TMEM123: variants seen among roughly 807,000 people sequenced by gnomAD.
TMEM123 encodes porimin.
Under a neutral mutation model 19.7 loss-of-function variants are expected in TMEM123, and 16 were observed. That is an observed-to-expected ratio of 0.81 (90% confidence interval 0.55 to 1.23). The LOEUF (loss-of-function observed/expected upper bound fraction) is 1.23, where lower values mean the gene tolerates loss of function less well. TMEM123 is among the 50% of genes most tolerant of loss of function. The pLI, the probability that TMEM123 is intolerant of heterozygous loss-of-function variation, is 0.00. For synonymous variants in TMEM123, 118 were observed against 99.4 expected (o/e 1.19, Z -1.12); for missense variants, 313 against 257.8 (o/e 1.21, Z -1.47).
chr11:102,406,655 C>T (rs1951957636), intron 2 of TMEM123, among the ~76,000 whole-genome samples: 1 of 151,958 alleles, frequency 6.6e-6, no homozygotes, highest in Admixed American at 6.6e-5. Flanking sequence ...GTGGGTAGAT[C>T]ACGAGGTCAG....
intron 2 of TMEM123, among the ~76,000 whole-genome samples, chr11:102,442,709 G>T (rs1221271979): frequency 6.6e-6 from 1 of 152,168 alleles, no homozygotes; most frequent in Non-Finnish European, 1.5e-5. Context: ...AATCAGGCAG[G>T]AGAAGGAAAT....
At position 102,402,844 on chromosome 11, in the gene TMEM123, A is replaced by C. The variant is rs575953274; in HGVS notation, c.158-638T>G. Among the ~76,000 whole-genome samples the C allele has an allele frequency of 4.6e-5, 7 of 152,384 alleles. No homozygotes were observed. In the South Asian group the frequency reaches 1.4e-3, roughly 32 times the overall value. On this transcript the variant is annotated intron_variant, in intron 2 of 4. Transcript: ENST00000398136. ...AAGGACAGTTCTAAAACTATCTGTG[A>C]AAGTTTTACAAGTCCAAAAGCCAAT...
chr11:102,400,958 A>G (rs78055146), intron 4 of TMEM123, among the ~76,000 whole-genome samples: 93 of 152,374 alleles, frequency 6.1e-4, no homozygotes, highest in African/African-American at 2.1e-3. Flanking sequence ...ATATATCCTC[A>G]AACCATCAGA....
intron 2 of TMEM123, among the ~76,000 whole-genome samples, chr11:102,436,390 T>C (rs977031391): frequency 1.3e-5 from 2 of 151,868 alleles, no homozygotes; most frequent in African/African-American, 4.8e-5. Flanking sequence ...ATCAAACTCC[T>C]GACCTCAAGT....
intron 2 of TMEM123, among the ~76,000 whole-genome samples, chr11:102,430,282 T>C (rs138852182): frequency 8.5e-4 from 130 of 152,322 alleles, no homozygotes; most frequent in African/African-American, 3.1e-3. Context: ...ACTCCTCCCA[T>C]AGCATTCGCA....
rs1951917258 is a variant in TMEM123, at chr11:102,401,968, T to C, written c.396A>G (p.Thr132=). Residue 132 remains threonine, a synonymous_variant, in exon 3 of 5, where the codon ACA becomes ACG. Coordinates refer to ENST00000398136, the MANE Select transcript of TMEM123 (RefSeq NM_052932.3). ...SQNTSQISTS[T]MTVTHNSSVT... ...CTGAACTATTGTGGGTTACGGTCAT[T>C]GTGGATGTTGATATCTGAGATGTGT... 2 of 1,614,062 alleles carry C rather than the reference T, an allele frequency of 1.2e-6. No homozygotes were observed. Among genetic ancestry groups the C allele is most frequent in the African/African-American group, 1.3e-5 (1 of 74,922 alleles).
chr11:102,408,972 G>T (rs1951979422), intron 2 of TMEM123, among the ~76,000 whole-genome samples: 1 of 152,158 alleles, frequency 6.6e-6, no homozygotes, highest in East Asian at 1.9e-4. Flanking sequence ...TATCTCTGCT[G>T]TGTTGAAATA....
chr11:102,421,169 C>T (rs1164841272), intron 2 of TMEM123, among the ~76,000 whole-genome samples: 1 of 152,218 alleles, frequency 6.6e-6, no homozygotes, highest in Non-Finnish European at 1.5e-5. Flanking sequence ...GTACCAAATA[C>T]TCTTGATATG....
At chr11:102,426,680 G>A (rs1245798224) in intron 2 of TMEM123, among the ~76,000 whole-genome samples, 1 of 152,070 alleles carries the variant, frequency 6.6e-6, no homozygotes, top group Non-Finnish European at 1.5e-5. Flanking sequence ...GTAAGTTTTA[G>A]CTACTGCAAA....
At chr11:102,421,434 A>G (rs1362723953) in intron 2 of TMEM123, among the ~76,000 whole-genome samples, 1 of 152,178 alleles carries the variant, frequency 6.6e-6, no homozygotes, top group African/African-American at 2.4e-5. Flanking sequence ...AACACGGGGA[A>G]TAAGCATGTG....
intron 2 of TMEM123, among the ~76,000 whole-genome samples, chr11:102,423,757 G>C (rs1282057062): frequency 6.6e-6 from 1 of 152,166 alleles, no homozygotes; most frequent in Non-Finnish European, 1.5e-5. Context: ...AATATTATGT[G>C]TATGCCTTTT....
intron 2 of TMEM123, among the ~76,000 whole-genome samples, chr11:102,438,233 A>C (rs1466836009): frequency 1.5e-4 from 23 of 151,932 alleles, no homozygotes; most frequent in Admixed American, 1.4e-3. Flanking sequence ...TTGTATTTTC[A>C]GTAGAGAGGG....
At chr11:102,438,850 G>A (rs1446193317) in intron 2 of TMEM123, among the ~76,000 whole-genome samples, 1 of 152,218 alleles carries the variant, frequency 6.6e-6, no homozygotes, top group Non-Finnish European at 1.5e-5. Flanking sequence ...AAGGGAAGCC[G>A]TGACAGACAG....
intron 2 of TMEM123, among the ~76,000 whole-genome samples, chr11:102,444,221 C>A (rs149850393): frequency 0.016 from 2,377 of 152,300 alleles, 28 homozygotes; most frequent in Non-Finnish European, 0.024. Context: ...GATTATAAAT[C>A]ACACTACTAT....
intron 2 of TMEM123, among the ~76,000 whole-genome samples, chr11:102,422,974 G>A (rs1018094285): frequency 1.3e-5 from 2 of 152,142 alleles, no homozygotes; most frequent in African/African-American, 2.4e-5. Flanking sequence ...TTAGTTACAG[G>A]AGAGCTACCT....
chr11:102,440,039 T>A (rs1040563371), intron 2 of TMEM123, among the ~76,000 whole-genome samples: 10 of 152,190 alleles, frequency 6.6e-5, no homozygotes, highest in African/African-American at 2.4e-4. Context: ...TCAAGAAATA[T>A]GGGACTATGT....
chr11:102,406,650 T>C (rs932329692), intron 2 of TMEM123, among the ~76,000 whole-genome samples: 1 of 151,024 alleles, frequency 6.6e-6, no homozygotes, highest in Non-Finnish European at 1.5e-5. Flanking sequence ...CTGAGGTGGG[T>C]AGATCACGAG....
intron 2 of TMEM123, among the ~76,000 whole-genome samples, chr11:102,438,632 G>A (rs574621583): frequency 7.2e-5 from 11 of 152,310 alleles, no homozygotes; most frequent in African/African-American, 2.6e-4. Flanking sequence ...GTTCCAAGAT[G>A]GCCGAATAGG....
chr11:102,424,787 T>A lies in TMEM123; in HGVS notation c.158-22581A>T, dbSNP rs530885849. ...AATTTGATTTATATAGATAAGACTA[T>A]TTACCTGGCACAGAAAAGGGAGCGG... On this transcript the variant is annotated intron_variant, in intron 2 of 4. Coordinates refer to ENST00000398136, the MANE Select transcript of TMEM123 (RefSeq NM_052932.3). Among the ~76,000 whole-genome samples, 5 of 152,100 alleles carry A rather than the reference T, an allele frequency of 3.3e-5. 1 individual carries two copies. In the South Asian group the frequency reaches 1.0e-3, roughly 32 times the overall value.
Sources: gnomAD v4.1 joint callset for allele counts (sites outside exome capture counted in the v4.1 genomes callset) on GRCh38, gnomAD v4.1.1 for gene constraint, MANE v1.5 for transcripts, NCBI Gene and HGNC (gene_info 2026-07-23, HGNC 2026-07-21) for gene names.